The following DPH6 variants were observed in gnomAD, a reference collection of about 807,000 sequenced individuals.
DPH6 encodes the protein diphthamine biosynthesis 6.
A neutral mutation model predicts 38.2 loss-of-function variants in DPH6; 33 were observed. The observed-to-expected ratio is 0.86, with a 90% CI of 0.65 to 1.15. The LOEUF is 1.15. Ranked by LOEUF, DPH6 falls within the 50% of genes most tolerant of loss-of-function variation. DPH6 has a pLI of 0.00. For missense variants in DPH6, 325 were observed against 320.0 expected (o/e 1.02, Z -0.12); for synonymous variants, 108 against 103.0 (o/e 1.05, Z -0.30).
At chr15:35,374,274 G>A (rs2052751718) in intron 7 of DPH6, among the ~76,000 whole-genome samples, 1 of 151,922 alleles carries the variant, frequency 6.6e-6, no homozygotes, top group South Asian at 2.1e-4. Flanking sequence ...ATTTTTTATT[G>A]TTTATTAAGA....
At chr15:35,273,902 C>A (rs1299064050) in intron 3 of DPH6, among the ~76,000 whole-genome samples, 1 of 152,146 alleles carries the variant, frequency 6.6e-6, no homozygotes, top group Non-Finnish European at 1.5e-5. Context: ...TAGAAAAAAA[C>A]TACTTTAAAT....
At chr15:35,335,639 T>C (rs991220155) in intron 3 of DPH6, among the ~76,000 whole-genome samples, 1 of 152,214 alleles carries the variant, frequency 6.6e-6, no homozygotes, top group Non-Finnish European at 1.5e-5. Flanking sequence ...GGATCATTTA[T>C]TAAATAGGGA....
At chr15:35,204,007 T>G in the DPH6 span, among the ~76,000 whole-genome samples, 1 of 151,532 alleles carries the variant, frequency 6.6e-6, no homozygotes, top group African/African-American at 2.4e-5. Flanking sequence ...ATAACAATAT[T>G]GTACATCTAC....
chr15:35,351,865 G>A (rs892835679), intron 3 of DPH6, among the ~76,000 whole-genome samples: 9 of 151,798 alleles, frequency 5.9e-5, no homozygotes, highest in African/African-American at 1.5e-4. Context: ...AGGACCACTG[G>A]TGCTCACCAG....
chr15:35,534,377 C>CAAAAA (rs55974798), intron 3 of DPH6, among the ~76,000 whole-genome samples: 12 of 104,174 alleles, frequency 1.2e-4, no homozygotes, highest in South Asian at 6.7e-4. Context: ...AACTCTGTCT[C>CAAAAA]AAAAAAAAAA....
At chr15:35,306,004 G>A (rs147181701) in intron 3 of DPH6, among the ~76,000 whole-genome samples, 61 of 152,220 alleles carry the variant, frequency 4.0e-4, no homozygotes, top group African/African-American at 1.3e-3. Context: ...CCTATGTTCT[G>A]ACCTGGGCCC....
chr15:35,344,099 G>A (rs2052443558), intron 3 of DPH6, among the ~76,000 whole-genome samples: 1 of 151,976 alleles, frequency 6.6e-6, no homozygotes, highest in South Asian at 2.1e-4. Context: ...ATTAAGATAA[G>A]TTTGAAACAT....
At chr15:35,169,706 GTAAAGA>G in the DPH6 span, 3 of 152,120 alleles carry the variant, frequency 2.0e-5, no homozygotes, top group Non-Finnish European at 2.9e-5. Flanking sequence ...TTGTTGCAAT[GTAAAGA>G]TAATAATACC....
At chr15:35,151,935 A>G in the DPH6 span, among the ~76,000 whole-genome samples, 1 of 152,232 alleles carries the variant, frequency 6.6e-6, no homozygotes. Context: ...TTCACTTTGA[A>G]GAAATTTATT....
chr15:35,238,617 G>A (rs954532155), intron 3 of DPH6, among the ~76,000 whole-genome samples: 6 of 152,076 alleles, frequency 3.9e-5, no homozygotes, highest in Non-Finnish European at 8.8e-5. Flanking sequence ...ATGCAATTCC[G>A]TCACTTAATA....
intron 3 of DPH6, among the ~76,000 whole-genome samples, chr15:35,534,596 T>A (rs7181564): frequency 0.89 from 136,000 of 152,086 alleles, 60,937 homozygotes; most frequent in East Asian, 1. Flanking sequence ...AGGGAAATTT[T>A]AAAAGGAAAT....
chr15:35,386,718 T>C (rs1447583168), intron 6 of DPH6, among the ~76,000 whole-genome samples: 1 of 152,194 alleles, frequency 6.6e-6, no homozygotes, highest in East Asian at 1.9e-4. Context: ...TTTGTTTGGG[T>C]TCATTGTAGA....
At chr15:35,388,401 A>G (rs147273397) in intron 6 of DPH6, among the ~76,000 whole-genome samples, 3,638 of 152,324 alleles carry the variant, frequency 0.024, 64 homozygotes, top group African/African-American at 0.05. Context: ...TGATTGGAAT[A>G]GTTTCAGAAG....
rs1205637950 is a variant in DPH6 at position 35,268,646 on chromosome 15, AT to A, written n.201-48065del. ...TGGTTACAGTATATCTTCTAATACT[AT>A]ATATTTTTGAAAACATAAGATTAAA... On this transcript the variant is annotated intron_variant and non_coding_transcript_variant, in intron 3 of 3. Transcript: ENST00000560386. Among the ~76,000 whole-genome samples, 47 of 151,882 alleles carry A rather than the reference AT, an allele frequency of 3.1e-4. 1 individual carries two copies. Among genetic ancestry groups the A allele is most frequent in the Non-Finnish European group, 1.2e-4 (8 of 67,964 alleles).
chr15:35,167,676 C>A, the DPH6 span, among the ~76,000 whole-genome samples: 9 of 151,548 alleles, frequency 5.9e-5, no homozygotes, highest in South Asian at 8.3e-4. Context: ...ATAGAATGAA[C>A]CATTTATATA....
chr15:35,206,959 A>G, the DPH6 span, among the ~76,000 whole-genome samples: 1 of 150,838 alleles, frequency 6.6e-6, no homozygotes, highest in Admixed American at 6.6e-5. Context: ...ATCATATCAC[A>G]CTGCCATTAA....
chr15:35,436,622 A>G (rs1566909386), intron 5 of DPH6, among the ~76,000 whole-genome samples: 1 of 152,104 alleles, frequency 6.6e-6, no homozygotes, highest in East Asian at 1.9e-4. Flanking sequence ...ATCCATTTGC[A>G]TAAGAATAAG....
intron 5 of DPH6, among the ~76,000 whole-genome samples, chr15:35,414,151 T>C (rs2053407148): frequency 1.3e-5 from 2 of 151,868 alleles, no homozygotes; most frequent in Admixed American, 1.3e-4. Flanking sequence ...TTGTTTCTCA[T>C]TCATTTCTCC....
In DPH6 at chr15:35,513,447, G is replaced by C. The variant is rs528107018; in HGVS notation, c.312+24827C>G. Among the ~76,000 whole-genome samples, 22 of 152,054 alleles carry C rather than the reference G, an allele frequency of 1.4e-4. No individual in the cohort carries two copies. The South Asian group carries it at 4.4e-3, about 30-fold the overall frequency. ...CCAGAAGAAAGAGCCAACTCTCTAA[G>C]AGGTAGAAGACAGATGAACATCAAA... On this transcript the variant is annotated intron_variant, in intron 3 of 8. Coordinates refer to ENST00000256538, the MANE Select transcript of DPH6 (RefSeq NM_080650.4).
Sources: gnomAD v4.1 joint callset for allele counts (sites outside exome capture counted in the v4.1 genomes callset) on GRCh38, gnomAD v4.1.1 for gene constraint, MANE v1.5 for transcripts, NCBI Gene and HGNC (gene_info 2026-07-23, HGNC 2026-07-21) for gene names.